The following HECW1 variants were observed in gnomAD, a reference collection of about 807,000 sequenced individuals.
HECW1 encodes the protein HECT, C2 and WW domain containing E3 ubiquitin protein ligase 1.
Under a neutral mutation model 182.3 loss-of-function variants are expected in HECW1, and 61 were observed. The observed-to-expected ratio is 0.33, with a 90% confidence interval of 0.27 to 0.41. The LOEUF (loss-of-function observed/expected upper bound fraction) is 0.41. HECW1 is among the 10% of genes least tolerant of loss of function. The pLI is 1.00. For missense variants in HECW1, 1,739 were observed against 2,108.9 expected (o/e 0.82, Z 3.44); for synonymous variants, 859 against 832.6 (o/e 1.03, Z -0.55).
intron 3 of HECW1, among the ~76,000 whole-genome samples, chr7:43,308,617 C>A (rs373166856): frequency 2.0e-5 from 3 of 151,480 alleles, no homozygotes; most frequent in African/African-American, 4.9e-5. Context: ...AATTATCATG[C>A]CTTTCTGTAA....
intron 17 of HECW1, among the ~76,000 whole-genome samples, chr7:43,489,402 G>T (rs922687881): frequency 6.6e-6 from 1 of 152,178 alleles, no homozygotes; most frequent in Non-Finnish European, 1.5e-5. Flanking sequence ...AGAGAAGTAT[G>T]AGGATTCAAT....
chr7:43,520,344 T>C (rs2080401098), intron 24 of HECW1, among the ~76,000 whole-genome samples: 1 of 152,174 alleles, frequency 6.6e-6, no homozygotes, highest in Admixed American at 6.5e-5. Flanking sequence ...TCTGGACTCC[T>C]CGGATTCTCA....
chr7:43,344,954 A>C (rs1813483368), intron 5 of HECW1, among the ~76,000 whole-genome samples: 1 of 152,062 alleles, frequency 6.6e-6, no homozygotes, highest in Admixed American at 6.6e-5. Flanking sequence ...GTTCAGTGAC[A>C]TCTACTTGTT....
At chr7:43,283,419 G>A (rs1422224786) in intron 3 of HECW1, among the ~76,000 whole-genome samples, 1 of 152,102 alleles carries the variant, frequency 6.6e-6, no homozygotes, top group Non-Finnish European at 1.5e-5. Context: ...AATGTTAAAT[G>A]ATGCCATAAT....
chr7:43,227,621 T>A (rs1025476296), intron 2 of HECW1, among the ~76,000 whole-genome samples: 1 of 152,332 alleles, frequency 6.6e-6, no homozygotes, highest in African/African-American at 2.4e-5. Flanking sequence ...ATTAATAAAA[T>A]ATCCTCTATT....
intron 24 of HECW1, among the ~76,000 whole-genome samples, chr7:43,539,555 G>A (rs1304994294): frequency 6.6e-6 from 1 of 152,152 alleles, no homozygotes; most frequent in African/African-American, 2.4e-5. Context: ...TTAGCACTAA[G>A]CTGAAAATAG....
At chr7:43,244,068 C>G (rs1356892926) in intron 3 of HECW1, 136 bp downstream of exon 3, 19 of 753,070 alleles carry the variant, frequency 2.5e-5, no homozygotes, top group Non-Finnish European at 3.9e-5. Flanking sequence ...TGTGGCTGGA[C>G]ATTTGAGATC....
intron 2 of HECW1, among the ~76,000 whole-genome samples, chr7:43,143,827 T>A (rs1401273345): frequency 6.6e-6 from 1 of 152,154 alleles, no homozygotes; most frequent in African/African-American, 2.4e-5. Flanking sequence ...GCACAAGACA[T>A]TGATTAAGTT....
chr7:43,281,713 C>CTTTTT (rs55860415), intron 3 of HECW1, among the ~76,000 whole-genome samples: 14 of 77,350 alleles, frequency 1.8e-4, no homozygotes, highest in South Asian at 5.4e-4. Flanking sequence ...TCTTTGCTTT[C>CTTTTT]TTTTTTTTTT....
chr7:43,140,714 C>T (rs781060487), intron 2 of HECW1, among the ~76,000 whole-genome samples: 4 of 152,156 alleles, frequency 2.6e-5, no homozygotes, highest in Non-Finnish European at 4.4e-5. Context: ...GGTATCAGCT[C>T]GGCTGCTGTA....
intron 3 of HECW1, among the ~76,000 whole-genome samples, chr7:43,310,504 C>G (rs1454929371): frequency 6.6e-6 from 1 of 152,168 alleles, no homozygotes; most frequent in Admixed American, 6.5e-5. Flanking sequence ...TCAGTAGGGC[C>G]AAAGGAATTC....
intron 5 of HECW1, among the ~76,000 whole-genome samples, chr7:43,336,715 T>TTTTG (rs1812334814): frequency 1.3e-5 from 2 of 152,304 alleles, no homozygotes; most frequent in African/African-American, 4.8e-5. Context: ...ATCTCCCCAC[T>TTTTG]TTTGGGGTCC....
chr7:43,466,311 T>G (rs1192080057), intron 14 of HECW1, 136 bp from the exon 15 acceptor site: 6 of 815,830 alleles, frequency 7.4e-6, no homozygotes, highest in Non-Finnish European at 7.8e-6. Context: ...ATACATAAAG[T>G]AATGACACTT....
Position 43,463,761 on chromosome 7 carries a change from G to A in HECW1, c.2753G>A (p.Gly918Glu), listed in dbSNP as rs754318869. The change falls in exon 14 of 30, where the codon GGG (glycine) becomes GAG (glutamate). Residue 918 changes from glycine to glutamate, a missense_variant. Around this residue, in one of 5 missense-constraint regions of HECW1, gnomAD observed 971 missense variants for 1,029.1 expected, o/e 0.94. Coordinates refer to ENST00000395891, the MANE Select transcript of HECW1 (RefSeq NM_015052.5). The stretch of plus-strand genomic sequence containing the variant: ...CCAGCAGGAGGAGGCGGAGGTGGAG[G>A]GAGTGACTCAGAAGCCGAATCTTCC... ...QAPAGGGGGG[G>E]SDSEAESSQS... 6 of 1,614,018 alleles carry A rather than the reference G, an allele frequency of 3.7e-6. No individual in the cohort carries two copies. The Admixed American group carries it at 8.3e-5, about 22-fold the overall frequency.
At chr7:43,540,877 C>T (rs2081340108) in intron 24 of HECW1, among the ~76,000 whole-genome samples, 1 of 152,146 alleles carries the variant, frequency 6.6e-6, no homozygotes, top group Admixed American at 6.5e-5. Context: ...GTGCTTTTCT[C>T]TTCTTGGGTC....
At chr7:43,237,832 T>C (rs375150002) in intron 2 of HECW1, among the ~76,000 whole-genome samples, 3,738 of 149,498 alleles carry the variant, frequency 0.025, 58 homozygotes, top group South Asian at 0.07. Context: ...CACCAGTCTT[T>C]CCCCCCCGCC....
intron 2 of HECW1, among the ~76,000 whole-genome samples, chr7:43,168,940 A>C (rs1479653695): frequency 6.6e-6 from 1 of 152,232 alleles, no homozygotes; most frequent in African/African-American, 2.4e-5. Context: ...GATATGCACC[A>C]AACTGATAAT....
At chr7:43,475,290 A>G (rs1226152136) in intron 16 of HECW1, among the ~76,000 whole-genome samples, 1 of 152,226 alleles carries the variant, frequency 6.6e-6, no homozygotes, top group Non-Finnish European at 1.5e-5. Flanking sequence ...ATATAGCAAT[A>G]AAACTGAATT....
intron 3 of HECW1, among the ~76,000 whole-genome samples, chr7:43,257,975 A>T (rs926853920): frequency 2.6e-5 from 4 of 152,222 alleles, no homozygotes; most frequent in Non-Finnish European, 5.9e-5. Context: ...CAATCCTATG[A>T]ATCTGATATT....
Sources: allele counts gnomAD v4.1 joint callset (sites outside exome capture counted in the v4.1 genomes callset), GRCh38; gene constraint gnomAD v4.1.1; regional missense constraint gnomAD v4.1.1; transcripts MANE v1.5; gene names NCBI Gene and HGNC (gene_info 2026-07-23, HGNC 2026-07-21).